Variants in YEATS2 observed in about 807,000 individuals in gnomAD.
YEATS2 encodes the protein YEATS domain containing 2, also known as YEATS domain-containing protein 2.
YEATS2 carries 77 observed loss-of-function variants against 163.2 expected under a neutral mutation model. The observed-to-expected ratio is 0.47, with a 90% CI of 0.39 to 0.57. The LOEUF (loss-of-function observed/expected upper bound fraction) is 0.57. Among genes scored for constraint, YEATS2 ranks in the 20% least tolerant of loss-of-function variants. The pLI is 0.00. For synonymous variants in YEATS2, 631 were observed against 645.1 expected (o/e 0.98, Z 0.33); for missense variants, 1,549 against 1,729.8 (o/e 0.90, Z 1.85).
chr3:183,809,966 C>G (rs1421469226), intron 30 of YEATS2: 1 of 154,052 alleles, frequency 6.5e-6, no homozygotes, highest in Non-Finnish European at 1.4e-5. Flanking sequence ...CTGCTGCCCA[C>G]TGTCCTGCTT....
intron 16 of YEATS2, among the ~76,000 whole-genome samples, chr3:183,772,845 CT>C (rs1467803823): frequency 1.3e-5 from 2 of 152,222 alleles, no homozygotes; most frequent in East Asian, 3.9e-4. Context: ...CCAGGACCCC[CT>C]GCTGCAGATA....
At chr3:183,800,335 G>A in intron 23 of YEATS2, 131 bp from the exon 24 acceptor site, 1 of 641,020 alleles carries the variant, frequency 1.6e-6, no homozygotes, top group South Asian at 1.9e-5. Context: ...CAGTCCCCTG[G>A]CTGTGTCCCC....
In YEATS2 at chr3:183,772,317, C is replaced by G; in HGVS notation, c.1960C>G (p.Pro654Ala). 1 of 1,613,890 alleles carries G rather than the reference C, an allele frequency of 6.2e-7. No homozygotes were observed. The highest frequency in any genetic ancestry group is 8.5e-7 in the Non-Finnish European group (1 of 1,180,030). The stretch of plus-strand genomic sequence containing the variant: ...CTGTTTTGAACAGGTTGTCGGGGTA[C>G]CAGTTGGGTCTGCTTTACCTTCAAC... ...KVQPSKVVGV[P>A]VGSALPSTVK... Residue 654 changes from proline to alanine, a missense_variant, in exon 16 of 31, where the codon CCA (proline) becomes GCA (alanine). Pro to Ala is a conservative substitution (Grantham distance 27, BLOSUM62 -1). Transcript: ENST00000305135.
chr3:183,723,145 A>T (rs1001118068), intron 5 of YEATS2, among the ~76,000 whole-genome samples: 2 of 152,242 alleles, frequency 1.3e-5, no homozygotes, highest in Non-Finnish European at 1.5e-5. Context: ...GAGACTTTAT[A>T]TTCTAAGATG....
intron 21 of YEATS2, among the ~76,000 whole-genome samples, chr3:183,795,997 T>C (rs1332683387): frequency 1.3e-5 from 2 of 149,950 alleles, no homozygotes. Context: ...TTTTTTTTTT[T>C]TTGAGACGGA....
intron 14 of YEATS2, 26 bp from the exon 15 acceptor site, chr3:183,762,071 T>G: frequency 6.2e-7 from 1 of 1,614,026 alleles, no homozygotes; most frequent in Non-Finnish European, 8.5e-7. Context: ...TGGATGTTTA[T>G]TCAGTGTCAT....
At chr3:183,759,156 G>T (rs745496947) in intron 13 of YEATS2, among the ~76,000 whole-genome samples, 191 bp downstream of exon 13, 2 of 152,140 alleles carry the variant, frequency 1.3e-5, no homozygotes, top group Non-Finnish European at 2.9e-5. Flanking sequence ...CCGCCACTTT[G>T]CCGGTTTCTG....
chr3:183,752,519 C>A (rs1560272137), intron 10 of YEATS2, among the ~76,000 whole-genome samples: 1 of 151,818 alleles, frequency 6.6e-6, no homozygotes, highest in African/African-American at 2.4e-5. Flanking sequence ...ACCATCCTGA[C>A]TAACACGGTG....
At chr3:183,803,895 A>T in intron 26 of YEATS2, 92 bp from the exon 27 acceptor site, 2 of 1,319,260 alleles carry the variant, frequency 1.5e-6, no homozygotes, top group Non-Finnish European at 2.1e-6. Flanking sequence ...CTAACAGGTT[A>T]GGTTAGGATG....
At chr3:183,729,390 T>C (rs1717474341) in intron 7 of YEATS2, among the ~76,000 whole-genome samples, 1 of 152,176 alleles carries the variant, frequency 6.6e-6, no homozygotes, top group Non-Finnish European at 1.5e-5. Flanking sequence ...TGCTCCCCTC[T>C]GGAAACAGCT....
At chr3:183,740,664 C>T (rs575882536) in intron 8 of YEATS2, among the ~76,000 whole-genome samples, 1 of 152,276 alleles carries the variant, frequency 6.6e-6, no homozygotes, top group African/African-American at 2.4e-5. Flanking sequence ...GATGTTGGTT[C>T]GTGAGGTTTA....
intron 30 of YEATS2, 90 bp from the exon 31 acceptor site, chr3:183,810,384 TG>T (rs1726680537): frequency 8.2e-7 from 1 of 1,220,492 alleles, no homozygotes. Context: ...GGCCTCTGCC[TG>T]GGATGGTCCC....
chr3:183,707,701 T>TG (rs1441679692), intron 1 of YEATS2, among the ~76,000 whole-genome samples: 1 of 149,048 alleles, frequency 6.7e-6, no homozygotes, highest in African/African-American at 2.5e-5. Context: ...TTTTTTTTTT[T>TG]GAGACGAAGT....
chr3:183,772,325 G>A lies in YEATS2; in HGVS notation c.1968G>A (p.Gly656=), dbSNP rs1722558221. 6.2e-7 allele frequency: 1 copy of A among 1,614,002 alleles called. No homozygotes were observed. The highest frequency in any genetic ancestry group is 8.5e-7 in the Non-Finnish European group (1 of 1,180,028). ...AACAGGTTGTCGGGGTACCAGTTGG[G>A]TCTGCTTTACCTTCAACAGTGAAGC... ...QPSKVVGVPV[G]SALPSTVKQA... is the part of the protein sequence containing the mutation. Residue 656 remains glycine, a synonymous_variant, in exon 16 of 31, where the codon GGG becomes GGA. Transcript: ENST00000305135.
intron 11 of YEATS2, among the ~76,000 whole-genome samples, 153 bp from the exon 12 acceptor site, chr3:183,756,372 TTGC>T (rs1720766424): frequency 6.6e-6 from 1 of 152,218 alleles, no homozygotes; most frequent in Non-Finnish European, 1.5e-5. Flanking sequence ...TGTACCTCTG[TTGC>T]TGCTCAGTAC....
Position 183,762,132 on chromosome 3 carries a change from C to A in YEATS2, c.1800C>A (p.His600Gln). The stretch of plus-strand genomic sequence containing the variant: ...AACAGGAACCTGGTGAAGCCCCTCA[C>A]GTGCCCGCAACAGGAGCTGCCAGCC... ...IIKQEPGEAP[H>Q]VPATGAASQS... The change falls in exon 15 of 31, where the codon CAC (histidine) becomes CAA (glutamine). Residue 600 changes from histidine to glutamine, a missense_variant. Coordinates refer to ENST00000305135, the MANE Select transcript of YEATS2 (RefSeq NM_018023.5). 6.2e-7 allele frequency: 1 copy of A among 1,614,128 alleles called. No individual in the cohort carries two copies.
Position 183,772,294 on chromosome 3 carries a change from G to C in YEATS2, c.1948-11G>C. On this transcript the variant is annotated splice_polypyrimidine_tract_variant and intron_variant, in intron 15 of 30. Coordinates refer to ENST00000305135, the MANE Select transcript of YEATS2 (RefSeq NM_018023.5). ...TCGAAGCACCGTTGGACTCTGCTCT[G>C]TTTTGAACAGGTTGTCGGGGTACCA... The C allele has an allele frequency of 6.2e-7, 1 of 1,613,496 alleles. No homozygotes were observed. Among genetic ancestry groups the C allele is most frequent in the Non-Finnish European group, 8.5e-7 (1 of 1,179,994 alleles).
chr3:183,789,497 T>A lies in YEATS2; in HGVS notation c.2914-1300T>A, dbSNP rs1037059933. On this transcript the variant is annotated intron_variant, in intron 20 of 30. Coordinates refer to ENST00000305135, the MANE Select transcript of YEATS2 (RefSeq NM_018023.5). ...CTAAGTTTTATACATTTAGCTCTTA[T>A]ATTTAGGTTTCAGATTCATTCGAGT... Among the ~76,000 whole-genome samples, 5 of 150,828 alleles carry A rather than the reference T, an allele frequency of 3.3e-5. No homozygotes were observed. In the South Asian group the frequency reaches 8.4e-4, roughly 25 times the overall value.
chr3:183,792,300 C>T (rs377122151), intron 21 of YEATS2, among the ~76,000 whole-genome samples: 10 of 152,154 alleles, frequency 6.6e-5, no homozygotes, highest in African/African-American at 2.4e-4. Flanking sequence ...TCCCTTGCCC[C>T]GCACCCCCCA....
Sources: gnomAD v4.1 joint callset for allele counts (sites outside exome capture counted in the v4.1 genomes callset) on GRCh38, gnomAD v4.1.1 for gene constraint, MANE v1.5 for transcripts, NCBI Gene and HGNC (gene_info 2026-07-23, HGNC 2026-07-21) for gene names.